MTERF4: variants seen among roughly 807,000 people sequenced by gnomAD.
The protein encoded by MTERF4 is mitochondrial transcription termination factor 4, also known as transcription termination factor 4, mitochondrial.
Under a neutral mutation model 22.5 loss-of-function variants are expected in MTERF4, and 17 were observed. The ratio of observed to expected loss-of-function variants is 0.75; its 90% confidence interval spans 0.52 to 1.13. MTERF4 has a LOEUF of 1.13. MTERF4 is among the 50% of genes most tolerant of loss of function. The pLI, the probability that MTERF4 is intolerant of heterozygous loss-of-function variation, is 0.00. For missense variants in MTERF4, 420 were observed against 466.8 expected (o/e 0.90, Z 0.92); for synonymous variants, 165 against 175.3 (o/e 0.94, Z 0.47).
At chr2:241,048,236 G>A in the MTERF4 span, 1 of 1,452,850 alleles carries the variant, frequency 6.9e-7, no homozygotes, top group Non-Finnish European at 9.1e-7. Context: ...AAACCCAAAG[G>A]TGCCATTGGA....
At chr2:241,101,333 A>G in intron 1 of MTERF4, 1 of 288,486 alleles carries the variant, frequency 3.5e-6, no homozygotes, top group Admixed American at 4.2e-5. Flanking sequence ...TCCAGTGAGA[A>G]TCTAAGGCGG....
the MTERF4 span, among the ~76,000 whole-genome samples, chr2:241,060,599 A>G: frequency 6.6e-6 from 1 of 152,150 alleles, no homozygotes; most frequent in African/African-American, 2.4e-5. Flanking sequence ...TATTTTTCAT[A>G]CACTGGAATT....
the MTERF4 span, among the ~76,000 whole-genome samples, chr2:241,043,292 C>G: frequency 0.27 from 40,871 of 151,916 alleles, 5,893 homozygotes; most frequent in Middle Eastern, 0.35. Flanking sequence ...TTACATACAG[C>G]GAAACAAGAA....
At chr2:241,063,720 G>GAGGGA in the MTERF4 span, 4 of 1,481,030 alleles carry the variant, frequency 2.7e-6, no homozygotes, top group Non-Finnish European at 3.7e-6. Context: ...CCCTCCAGTG[G>GAGGGA]GCCCCACATG....
chr2:241,065,159 C>G, the MTERF4 span: 1 of 924,448 alleles, frequency 1.1e-6, no homozygotes, highest in Non-Finnish European at 1.6e-6. Flanking sequence ...AGGTACGTGG[C>G]CAGGGACAAA....
At chr2:241,083,394 G>A (rs2125312534), downstream of MTERF4, among the ~76,000 whole-genome samples, 1 of 41,606 alleles carries the variant, frequency 2.4e-5, no homozygotes, top group Non-Finnish European at 3.7e-5. Flanking sequence ...CATGAAATGG[G>A]GAGGAGCTAC....
At chr2:241,054,234 G>T in the MTERF4 span, among the ~76,000 whole-genome samples, 6 of 152,174 alleles carry the variant, frequency 3.9e-5, no homozygotes, top group African/African-American at 1.4e-4. Flanking sequence ...GATATCCTCA[G>T]AGAATATGAG....
At chr2:241,087,283 T>C, downstream of MTERF4, 2 of 964,644 alleles carry the variant, frequency 2.1e-6, no homozygotes, top group Non-Finnish European at 3.0e-6. Context: ...AATAGCAGTT[T>C]TTCCCTCAAA....
At chr2:241,068,923 T>A, downstream of MTERF4, 1 of 1,551,864 alleles carries the variant, frequency 6.4e-7, no homozygotes, top group South Asian at 1.2e-5. The surrounding 1 kb of genome is among the most constrained non-coding windows in gnomAD (Gnocchi z 5.3). Context: ...CCCTGCTGCC[T>A]GGGAAGAGGT....
At chr2:241,046,874 G>A in the MTERF4 span, among the ~76,000 whole-genome samples, 5 of 152,272 alleles carry the variant, frequency 3.3e-5, no homozygotes, top group South Asian at 8.3e-4. Context: ...AGCTGGCGTG[G>A]TGGCTCACCC....
At chr2:241,070,221 C>T (rs758902413), downstream of MTERF4, 220 of 1,586,726 alleles carry the variant, frequency 1.4e-4, no homozygotes, top group Non-Finnish European at 7.5e-5. Context: ...GTGGGCCCTG[C>T]GCGTGGGCGG....
downstream of MTERF4, among the ~76,000 whole-genome samples, chr2:241,083,136 G>C (rs1294150207): frequency 6.6e-6 from 1 of 152,238 alleles, no homozygotes; most frequent in Admixed American, 6.5e-5. Flanking sequence ...GAGATGACAG[G>C]ACGAGACCAG....
the MTERF4 span, chr2:241,064,836 C>T: frequency 3.2e-6 from 5 of 1,574,236 alleles, no homozygotes; most frequent in African/African-American, 1.4e-5. The surrounding 1 kb of genome is among the most constrained non-coding windows in gnomAD (Gnocchi z 7.0). Flanking sequence ...CACTTTTTCT[C>T]CCCTCAGTGA....
At chr2:241,087,682 C>A, downstream of MTERF4, 1 of 1,365,216 alleles carries the variant, frequency 7.3e-7, no homozygotes, top group South Asian at 1.9e-5. Flanking sequence ...GGGGCACAGC[C>A]GGGCATGCTG....
At chr2:241,070,690 G>A (rs563941133), downstream of MTERF4, among the ~76,000 whole-genome samples, 20 of 152,228 alleles carry the variant, frequency 1.3e-4, no homozygotes, top group African/African-American at 4.8e-4. Context: ...CAGATGCTCC[G>A]AAGGGCTCAG....
chr2:241,070,096 C>A (rs753463843), downstream of MTERF4: 9 of 1,612,886 alleles, frequency 5.6e-6, no homozygotes, highest in Non-Finnish European at 7.6e-6. Flanking sequence ...CTACACGGTG[C>A]GCGACCTGCT....
At position 241,073,658 on chromosome 2, in the gene MTERF4, G is replaced by A. The variant is rs13429060; in HGVS notation, n.2504C>T. Reference sequence around the variant, plus strand: ...TGCCTCCCCTCCCCTCTCCTCCTTCGCCTCCACATGCAGCAGAGCCCACCC... The same window carrying A: ...TGCCTCCCCTCCCCTCTCCTCCTTCACCTCCACATGCAGCAGAGCCCACCC... On this transcript the variant is annotated non_coding_transcript_exon_variant, in exon 5 of 5. Transcript: ENST00000464344. The surrounding 1 kb of genome is among the most constrained non-coding windows in gnomAD (Gnocchi z 6.6). 7.7e-4 allele frequency: 388 copies of A among 501,874 alleles called. No homozygotes were observed. The highest frequency in any genetic ancestry group is 6.3e-3 in the African/African-American group (329 of 51,820). The allele number at this position is 501,874 out of a possible 1,614,324, so 31.1% of individuals were successfully genotyped here.
chr2:241,056,090 A>G, the MTERF4 span, among the ~76,000 whole-genome samples: 1 of 150,210 alleles, frequency 6.7e-6, no homozygotes, highest in Non-Finnish European at 1.5e-5. Flanking sequence ...ATCGATAGAA[A>G]AAGACCTTAT....
chr2:241,063,553 C>G, the MTERF4 span: 1 of 1,463,034 alleles, frequency 6.8e-7, no homozygotes, highest in African/African-American at 1.4e-5. Flanking sequence ...CAGACTTGAG[C>G]CAGCAACACC....
Sources: allele counts gnomAD v4.1 joint callset (sites outside exome capture counted in the v4.1 genomes callset), GRCh38; gene constraint gnomAD v4.1.1; non-coding constraint Gnocchi (gnomAD v3.1); transcripts MANE v1.5; gene names NCBI Gene and HGNC (gene_info 2026-07-23, HGNC 2026-07-21).